Variants in DLGAP1 observed in about 807,000 individuals in gnomAD.
DLGAP1 encodes DLG associated protein 1.
DLGAP1 carries 11 observed loss-of-function variants against 90.8 expected under a neutral mutation model. That is an observed-to-expected ratio of 0.12 (90% CI 0.08 to 0.20). The LOEUF is 0.20. Among genes scored for constraint, DLGAP1 ranks in the 10% least tolerant of loss-of-function variants. DLGAP1 has a pLI of 1.00. For synonymous variants in DLGAP1, 558 were observed against 540.7 expected (o/e 1.03, Z -0.44); for missense variants, 1,050 against 1,333.8 (o/e 0.79, Z 3.31).
chr18:3,779,502 A>G (rs2065089686), intron 5 of DLGAP1, among the ~76,000 whole-genome samples: 1 of 152,210 alleles, frequency 6.6e-6, no homozygotes, highest in Non-Finnish European at 1.5e-5. Context: ...CTCTGAGGAT[A>G]CAGGTAATAC....
intron 7 of DLGAP1, among the ~76,000 whole-genome samples, chr18:3,629,585 T>G (rs967716702): frequency 1.3e-5 from 2 of 151,762 alleles, no homozygotes; most frequent in African/African-American, 2.4e-5. Context: ...GGCAGGAGAA[T>G]GGCGTGAACC....
intron 7 of DLGAP1, among the ~76,000 whole-genome samples, chr18:3,665,207 TA>T (rs2059835456): frequency 6.6e-6 from 1 of 152,166 alleles, no homozygotes; most frequent in African/African-American, 2.4e-5. Flanking sequence ...TCAAACTGTT[TA>T]AAATGTTTCT....
intron 3 of DLGAP1, among the ~76,000 whole-genome samples, chr18:3,905,921 C>G (rs2071896036): frequency 6.6e-6 from 1 of 152,174 alleles, no homozygotes; most frequent in African/African-American, 2.4e-5. Context: ...CAGCATTTTG[C>G]AAAACAGTCT....
At chr18:3,971,712 G>A (rs530748355) in intron 3 of DLGAP1, among the ~76,000 whole-genome samples, 1 of 152,262 alleles carries the variant, frequency 6.6e-6, no homozygotes, top group Admixed American at 6.5e-5. Flanking sequence ...TATCCAAAAA[G>A]AATTCCTGGC....
chr18:4,043,494 T>C (rs1363253915), intron 2 of DLGAP1, among the ~76,000 whole-genome samples: 2 of 152,218 alleles, frequency 1.3e-5, no homozygotes, highest in Non-Finnish European at 2.9e-5. Flanking sequence ...AGGTGGAGAA[T>C]ATTTGTATGG....
rs934148582 is a variant in DLGAP1 at position 3,792,138 on chromosome 18, C to T, written c.1172+21921G>A. Among the ~76,000 whole-genome samples, 22 of 152,250 alleles carry T rather than the reference C, an allele frequency of 1.4e-4. No individual in the cohort carries two copies. In the East Asian group the frequency reaches 3.5e-3, roughly 24 times the overall value. ...CCAGCTGGCCCTGTGTACTCACGGGCCTGCAGGGCAGCAGCCCTCTTCCCT... is the reference window on the plus strand; with the variant it reads ...CCAGCTGGCCCTGTGTACTCACGGGTCTGCAGGGCAGCAGCCCTCTTCCCT... On this transcript the variant is annotated intron_variant, in intron 5 of 12. Coordinates refer to ENST00000315677, the MANE Select transcript of DLGAP1 (RefSeq NM_004746.4).
At chr18:3,581,823 C>T (rs1204469307) in intron 8 of DLGAP1, 52 bp downstream of exon 8, 6 of 1,590,668 alleles carry the variant, frequency 3.8e-6, no homozygotes, top group Non-Finnish European at 8.6e-7. Context: ...AAAAGTGTTA[C>T]ATTCCTTAGT....
chr18:4,395,003 A>C (rs760158215), intron 1 of DLGAP1, among the ~76,000 whole-genome samples: 1 of 152,240 alleles, frequency 6.6e-6, no homozygotes, highest in African/African-American at 2.4e-5. Flanking sequence ...GAATAGTCAG[A>C]AAATGGTGTT....
At chr18:3,946,202 A>G (rs1453762658) in intron 3 of DLGAP1, among the ~76,000 whole-genome samples, 1 of 152,120 alleles carries the variant, frequency 6.6e-6, no homozygotes, top group Non-Finnish European at 1.5e-5. Flanking sequence ...CTAACATCAA[A>G]TCCTCCTTAC....
intron 4 of DLGAP1, among the ~76,000 whole-genome samples, chr18:3,857,939 G>A (rs972810897): frequency 6.6e-6 from 1 of 152,062 alleles, no homozygotes; most frequent in Admixed American, 6.5e-5. Flanking sequence ...GTAGAAAGGT[G>A]TGTTTACTTC....
At chr18:3,700,654 G>C (rs958031625) in intron 7 of DLGAP1, among the ~76,000 whole-genome samples, 8 of 152,074 alleles carry the variant, frequency 5.3e-5, no homozygotes, top group African/African-American at 1.9e-4. Flanking sequence ...CTGTTGCCCA[G>C]GCTGGAGTGC....
intron 1 of DLGAP1, among the ~76,000 whole-genome samples, chr18:4,155,630 A>G (rs1201058434): frequency 6.6e-6 from 1 of 152,222 alleles, no homozygotes; most frequent in Non-Finnish European, 1.5e-5. Context: ...TATGTATATT[A>G]AAAGATATAT....
chr18:3,629,398 G>A lies in DLGAP1; in HGVS notation c.1592-47150C>T, dbSNP rs184418404. Among the ~76,000 whole-genome samples, 929 of 152,094 alleles carry A rather than the reference G, an allele frequency of 6.1e-3. 4 individuals carry two copies. Among genetic ancestry groups the A allele is most frequent in the African/African-American group, 0.021 (857 of 41,492 alleles). ...AATAAAAATAAAAAATAGGCTGGGC[G>A]CGGTGGCTCAACCCTGTAATCCCAG... On this transcript the variant is annotated intron_variant, in intron 7 of 12. Coordinates refer to ENST00000315677, the MANE Select transcript of DLGAP1 (RefSeq NM_004746.4).
chr18:3,521,408 C>T (rs1210663663), intron 10 of DLGAP1, among the ~76,000 whole-genome samples: 1 of 152,198 alleles, frequency 6.6e-6, no homozygotes, highest in Non-Finnish European at 1.5e-5. Context: ...GCCAAGCTGT[C>T]CAGTTTCTCT....
chr18:4,044,485 G>A (rs565292775), intron 2 of DLGAP1, among the ~76,000 whole-genome samples: 26 of 152,336 alleles, frequency 1.7e-4, no homozygotes, highest in Middle Eastern at 6.8e-3. Flanking sequence ...GCTCACGCCT[G>A]TAATCCCAGC....
At chr18:4,079,111 T>C (rs747788361) in intron 2 of DLGAP1, among the ~76,000 whole-genome samples, 1 of 152,062 alleles carries the variant, frequency 6.6e-6, no homozygotes, top group Non-Finnish European at 1.5e-5. Context: ...CACATAAATT[T>C]AAGGATAGCC....
At chr18:3,507,520 C>CAAAACA (rs964413316) in intron 11 of DLGAP1, among the ~76,000 whole-genome samples, 18 of 151,840 alleles carry the variant, frequency 1.2e-4, no homozygotes, top group Admixed American at 6.6e-4. Flanking sequence ...GACTCCATCT[C>CAAAACA]AAAACAAAAA....
rs186536072 is a variant in DLGAP1 at position 3,982,589 on chromosome 18, T to C, written c.-73+22527A>G. Among the ~76,000 whole-genome samples, 496 of 152,276 alleles carry C rather than the reference T, an allele frequency of 3.3e-3. 2 individuals are homozygous for C. The highest frequency in any genetic ancestry group is 0.011 in the African/African-American group (473 of 41,556). ...GAGACGTGGTGAGGTTTCCATGGGA[T>C]AGCCTGTGATCAGTTCTTATTATCT... On this transcript the variant is annotated intron_variant, in intron 3 of 12. Coordinates refer to ENST00000315677, the MANE Select transcript of DLGAP1 (RefSeq NM_004746.4).
At chr18:3,826,429 T>G (rs1409011323) in intron 4 of DLGAP1, among the ~76,000 whole-genome samples, 1 of 152,032 alleles carries the variant, frequency 6.6e-6, no homozygotes, top group Non-Finnish European at 1.5e-5. Flanking sequence ...GGGATAGGCA[T>G]GTTAATAGTG....
Sources: allele counts gnomAD v4.1 joint callset (sites outside exome capture counted in the v4.1 genomes callset), GRCh38; gene constraint gnomAD v4.1.1; transcripts MANE v1.5; gene names NCBI Gene and HGNC (gene_info 2026-07-23, HGNC 2026-07-21).